Variants in CDH20 observed in about 807,000 individuals in gnomAD.
CDH20 encodes the protein cadherin 20, also known as cadherin-20.
CDH20 carries 29 observed loss-of-function variants against 74.2 expected under a neutral mutation model. That is an observed-to-expected ratio of 0.39 (90% confidence interval 0.29 to 0.53). The LOEUF is 0.53. Ranked by LOEUF, CDH20 falls within the 20% of genes least tolerant of loss-of-function variation. The probability of loss-of-function intolerance (pLI) is 0.69; values close to 1 mark genes in which losing one functional copy is unlikely to be tolerated. For synonymous variants in CDH20, 469 were observed against 405.4 expected (o/e 1.16, Z -1.88); for missense variants, 988 against 1,048.3 (o/e 0.94, Z 0.79).
chr18:61,481,417 C>T (rs1422787681), intron 1 of CDH20, among the ~76,000 whole-genome samples: 1 of 152,148 alleles, frequency 6.6e-6, no homozygotes, highest in African/African-American at 2.4e-5. Context: ...GGATGTCACA[C>T]ATCGAGTGGC....
chr18:61,452,901 A>G (rs1456611387), intron 1 of CDH20, among the ~76,000 whole-genome samples: 1 of 152,200 alleles, frequency 6.6e-6, no homozygotes, highest in African/African-American at 2.4e-5. Context: ...TTCAAACAAA[A>G]GTATTTTCAA....
At chr18:61,377,265 A>T (rs945771019) in intron 1 of CDH20, among the ~76,000 whole-genome samples, 4 of 152,130 alleles carry the variant, frequency 2.6e-5, no homozygotes, top group African/African-American at 9.7e-5. Flanking sequence ...TTTCATGACC[A>T]TATTTAGCCA....
At chr18:61,362,571 T>C (rs1910731657) in intron 1 of CDH20, among the ~76,000 whole-genome samples, 2 of 152,164 alleles carry the variant, frequency 1.3e-5, no homozygotes, top group African/African-American at 4.8e-5. Context: ...TTAGACATTA[T>C]GTTAGACAGT....
intron 1 of CDH20, among the ~76,000 whole-genome samples, chr18:61,425,327 C>G (rs147399011): frequency 6.6e-6 from 1 of 152,172 alleles, no homozygotes; most frequent in Non-Finnish European, 1.5e-5. Flanking sequence ...ATGACCATCA[C>G]TGACCCATAG....
intron 5 of CDH20, among the ~76,000 whole-genome samples, chr18:61,506,529 C>A (rs1392540505): frequency 2.6e-5 from 4 of 152,096 alleles, no homozygotes; most frequent in Admixed American, 2.6e-4. Flanking sequence ...TGTGATTTTT[C>A]TTTGTTATTT....
rs145451234 is a variant in CDH20, at chr18:61,550,172, G to C, written c.1843G>C (p.Val615Leu). 3,313 of 1,614,124 alleles carry C rather than the reference G, an allele frequency of 2.1e-3. 12 individuals carry two copies. Among genetic ancestry groups the C allele is most frequent in the Non-Finnish European group, 2.1e-3 (2,531 of 1,180,054 alleles). ...CAGCCCAGAGGCCTACATGCTCCCA[G>C]TCAGTTTGAGCCGGGGCGCCCTCAT... ...SCSPEAYMLP[V>L]SLSRGALIAI... The change falls in exon 11 of 12, where the codon GTC becomes CTC. Residue 615 changes from valine to leucine, a missense_variant. Coordinates refer to ENST00000262717, the MANE Select transcript of CDH20 (RefSeq NM_031891.4).
At chr18:61,441,126 T>A (rs1475065189) in intron 1 of CDH20, among the ~76,000 whole-genome samples, 1 of 152,150 alleles carries the variant, frequency 6.6e-6, no homozygotes, top group Non-Finnish European at 1.5e-5. Context: ...AACTGATTGA[T>A]CATGGGATCA....
intron 1 of CDH20, among the ~76,000 whole-genome samples, chr18:61,467,401 G>A (rs1421328085): frequency 6.6e-6 from 1 of 152,058 alleles, no homozygotes; most frequent in Non-Finnish European, 1.5e-5. Context: ...GGTATAGAGT[G>A]TCTTTTTGAC....
chr18:61,473,676 TGGTATTTACATATCAGAAAGGG>T (rs1910267999), intron 1 of CDH20, among the ~76,000 whole-genome samples: 1 of 152,216 alleles, frequency 6.6e-6, no homozygotes, highest in South Asian at 2.1e-4. Flanking sequence ...CTTCATTACA[TGGTATTTACATATCAGAAAGGG>T]GAAAAAATAT....
chr18:61,435,009 A>G (rs1380164350), intron 1 of CDH20, among the ~76,000 whole-genome samples: 1 of 152,146 alleles, frequency 6.6e-6, no homozygotes, highest in Non-Finnish European at 1.5e-5. Flanking sequence ...CAAAGTAATA[A>G]TATAAAGACA....
At chr18:61,513,999 A>T (rs1162958282) in intron 6 of CDH20, among the ~76,000 whole-genome samples, 1 of 151,788 alleles carries the variant, frequency 6.6e-6, no homozygotes, top group African/African-American at 2.4e-5. Context: ...CTTCTCAAGG[A>T]GTATCTTTGT....
At chr18:61,406,795 T>C (rs1236796115) in intron 1 of CDH20, among the ~76,000 whole-genome samples, 1 of 152,056 alleles carries the variant, frequency 6.6e-6, no homozygotes, top group African/African-American at 2.4e-5. Context: ...TTATGAAACA[T>C]GAAATAAAGC....
At chr18:61,348,773 G>A (rs1026515160) in intron 1 of CDH20, among the ~76,000 whole-genome samples, 11 of 152,144 alleles carry the variant, frequency 7.2e-5, no homozygotes, top group African/African-American at 1.9e-4. Context: ...AGGAACATTC[G>A]GAGGGGAATT....
intron 1 of CDH20, among the ~76,000 whole-genome samples, chr18:61,410,661 A>G (rs1011915919): frequency 2.0e-5 from 3 of 152,236 alleles, no homozygotes; most frequent in Non-Finnish European, 2.9e-5. Flanking sequence ...CAAATGATGG[A>G]ATGGAAAATA....
At chr18:61,520,597 C>T (rs1256011285) in intron 6 of CDH20, among the ~76,000 whole-genome samples, 1 of 56,762 alleles carries the variant, frequency 1.8e-5, no homozygotes, top group Non-Finnish European at 3.1e-5. Flanking sequence ...ACCTAATAGA[C>T]CTCTACAGAA....
chr18:61,338,730 C>T (rs1210815120), intron 1 of CDH20, among the ~76,000 whole-genome samples: 1 of 152,256 alleles, frequency 6.6e-6, no homozygotes, highest in South Asian at 2.1e-4. Flanking sequence ...GAAACATGCA[C>T]AGCATAGCCT....
At chr18:61,472,318 C>A (rs144771832) in intron 1 of CDH20, among the ~76,000 whole-genome samples, 1 of 151,954 alleles carries the variant, frequency 6.6e-6, no homozygotes, top group Non-Finnish European at 1.5e-5. Flanking sequence ...TCAAACCCCA[C>A]GGCATAGGCA....
At chr18:61,466,818 G>C (rs1481493197) in intron 1 of CDH20, among the ~76,000 whole-genome samples, 1 of 152,188 alleles carries the variant, frequency 6.6e-6, no homozygotes, top group African/African-American at 2.4e-5. Context: ...AGCCTCCAGA[G>C]GGACTGAAAC....
At chr18:61,478,642 A>G (rs1422426553) in intron 1 of CDH20, among the ~76,000 whole-genome samples, 10 of 152,192 alleles carry the variant, frequency 6.6e-5, no homozygotes, top group African/African-American at 1.7e-4. Flanking sequence ...CATGAGGAGT[A>G]AACAGTGGAT....
Sources: gnomAD v4.1 joint callset for allele counts (sites outside exome capture counted in the v4.1 genomes callset) on GRCh38, gnomAD v4.1.1 for gene constraint, MANE v1.5 for transcripts, NCBI Gene and HGNC (gene_info 2026-07-23, HGNC 2026-07-21) for gene names.